The following RNF4 variants were observed in gnomAD, a reference collection of about 807,000 sequenced individuals.
RNF4 encodes the protein E3 ubiquitin-protein ligase RNF4.
A neutral mutation model predicts 24.3 loss-of-function variants in RNF4; 7 were observed. The observed-to-expected ratio is 0.29, with a 90% CI of 0.16 to 0.54. The LOEUF (loss-of-function observed/expected upper bound fraction) is 0.54, where lower values mean the gene tolerates loss of function less well. Ranked by LOEUF, RNF4 falls within the 20% of genes least tolerant of loss-of-function variation. The probability of loss-of-function intolerance (pLI) is 0.95; values close to 1 mark genes in which losing one functional copy is unlikely to be tolerated. For synonymous variants in RNF4, 83 were observed against 84.3 expected (o/e 0.98, Z 0.09); for missense variants, 209 against 248.5 (o/e 0.84, Z 1.07).
chr4:2,505,723 C>CTTTTTTT (rs67508332), intron 4 of RNF4: 9 of 50,676 alleles, frequency 1.8e-4, no homozygotes, highest in African/African-American at 1.7e-4. Flanking sequence ...CATGGTCTGC[C>CTTTTTTT]TTTTTTTTTT....
Position 2,512,308 on chromosome 4 carries a change from C to A in RNF4, c.215-130C>A, listed in dbSNP as rs1346361343. On this transcript the variant is annotated intron_variant, in intron 5 of 7. Coordinates refer to ENST00000314289, the MANE Select transcript of RNF4 (RefSeq NM_002938.5). The surrounding 1 kb of genome is among the most constrained non-coding windows in gnomAD (Gnocchi z 4.1). Reference sequence around the variant, plus strand: ...CAGAACCTTCTGGGTTATAGCTGAGCATGGCAGCAGTTTGTCTCTGGGGGT... The same window carrying A: ...CAGAACCTTCTGGGTTATAGCTGAGAATGGCAGCAGTTTGTCTCTGGGGGT... 1.8e-5 allele frequency: 20 copies of A among 1,094,798 alleles called. No individual in the cohort carries two copies. The Admixed American group carries it at 3.0e-4, about 16-fold the overall frequency. The allele number at this position is 1,094,798 out of a possible 1,614,324, so 67.8% of individuals were successfully genotyped here. A position where few individuals can be genotyped will look rare whatever the true frequency, so the allele number is the denominator to read the frequency against.
At chr4:2,496,757 C>T (rs1194657955) in intron 2 of RNF4, among the ~76,000 whole-genome samples, 1 of 152,106 alleles carries the variant, frequency 6.6e-6, no homozygotes, top group East Asian at 1.9e-4. Flanking sequence ...CCATGCCCAG[C>T]CGACCTGCTG....
At chr4:2,490,741 G>T in intron 2 of RNF4, 1 of 450,472 alleles carries the variant, frequency 2.2e-6, no homozygotes, top group Non-Finnish European at 4.0e-6. Flanking sequence ...ATAGCTTAGG[G>T]TTTGGTAATC....
At chr4:2,492,407 G>C (rs577780382) in intron 2 of RNF4, among the ~76,000 whole-genome samples, 2 of 152,080 alleles carry the variant, frequency 1.3e-5, no homozygotes, top group African/African-American at 4.8e-5. Context: ...TTGAGCTCTC[G>C]AGGAGATTAC....
chr4:2,494,839 T>G (rs1030370049), intron 2 of RNF4: 23 of 152,258 alleles, frequency 1.5e-4, no homozygotes, highest in African/African-American at 5.3e-4. Flanking sequence ...GGTAAATATT[T>G]AGGCTAAATT....
chr4:2,477,257 A>G (rs866401909), intron 1 of RNF4, among the ~76,000 whole-genome samples: 2 of 152,002 alleles, frequency 1.3e-5, no homozygotes, highest in Non-Finnish European at 2.9e-5. Context: ...GGTCTTTCCC[A>G]TGCTGTTCTC....
At chr4:2,494,949 G>C (rs905925044) in intron 2 of RNF4, among the ~76,000 whole-genome samples, 2 of 152,218 alleles carry the variant, frequency 1.3e-5, no homozygotes, top group African/African-American at 4.8e-5. Context: ...GCTTTTAAGA[G>C]AAGTTACTAT....
At chr4:2,494,282 G>A (rs1265970754) in intron 2 of RNF4, among the ~76,000 whole-genome samples, 2 of 151,774 alleles carry the variant, frequency 1.3e-5, no homozygotes, top group East Asian at 3.9e-4. Context: ...TTTATAACTT[G>A]ATGTGTTTAC....
chr4:2,492,096 G>C (rs1735599043), intron 2 of RNF4, among the ~76,000 whole-genome samples: 1 of 151,998 alleles, frequency 6.6e-6, no homozygotes, highest in Non-Finnish European at 1.5e-5. Flanking sequence ...CTACTCAGGA[G>C]GCTGAGGCAG....
chr4:2,494,469 C>T (rs1325853152), intron 2 of RNF4: 2 of 151,508 alleles, frequency 1.3e-5, no homozygotes, highest in Non-Finnish European at 2.9e-5. Context: ...GCTCCACCTC[C>T]CGGGTTCACA....
chr4:2,498,749 C>G (rs968097101), intron 3 of RNF4, among the ~76,000 whole-genome samples: 1 of 152,090 alleles, frequency 6.6e-6, no homozygotes, highest in African/African-American at 2.4e-5. Flanking sequence ...CATAGTGAGA[C>G]CCTGTCTCTA....
intron 1 of RNF4, among the ~76,000 whole-genome samples, chr4:2,481,395 A>C (rs1735239082): frequency 6.6e-6 from 1 of 152,138 alleles, no homozygotes; most frequent in South Asian, 2.1e-4. Context: ...ATTTTTTTTA[A>C]GGAACACATA....
chr4:2,490,444 G>T lies in RNF4; in HGVS notation c.-50G>T, dbSNP rs1735545848. On this transcript the variant is annotated 5_prime_UTR_variant, in exon 2 of 8. Transcript: ENST00000314289. ...ACATTTGACTTCCCTGCAAACCTTG[G>T]TATAGATCACTTCCTTTTCTGTAGG... The T allele has an allele frequency of 6.2e-7, 1 of 1,604,820 alleles. No homozygotes were observed. The highest frequency in any genetic ancestry group is 8.5e-7 in the Non-Finnish European group (1 of 1,174,204).
Position 2,512,539 on chromosome 4 carries a change from G to A in RNF4, c.316G>A (p.Val106Ile), listed in dbSNP as rs760543519. 20 of 1,613,900 alleles carry A rather than the reference G, an allele frequency of 1.2e-5. No homozygotes were observed. The highest frequency in any genetic ancestry group is 2.2e-5 in the East Asian group (1 of 44,882). ...TGAGGAGTTGTCCAGGGACAGAGAC[G>A]TATATGTGACTACCCATACTCCCAG... ...DDEELSRDRD[V>I]YVTTHTPRNA... Residue 106 changes from valine (V) to isoleucine (I), a missense_variant, in exon 6 of 8, where the codon GTA (valine) becomes ATA (isoleucine). Coordinates refer to ENST00000314289, the MANE Select transcript of RNF4 (RefSeq NM_002938.5). The surrounding 1 kb of genome is among the most constrained non-coding windows in gnomAD (Gnocchi z 4.1).
chr4:2,483,341 G>T (rs1386321335), intron 1 of RNF4, among the ~76,000 whole-genome samples: 1 of 152,202 alleles, frequency 6.6e-6, no homozygotes, highest in Non-Finnish European at 1.5e-5. Context: ...GGACACTGAG[G>T]CACAGAAGGC....
chr4:2,505,614 C>T (rs1203852), intron 4 of RNF4: 101,058 of 149,524 alleles, frequency 0.68, 34,505 homozygotes, highest in Admixed American at 0.76. Flanking sequence ...TGTGAGCCAC[C>T]GCGCCCGGCC....
intron 1 of RNF4, among the ~76,000 whole-genome samples, chr4:2,486,981 C>T (rs1033551985): frequency 1.3e-5 from 2 of 152,166 alleles, no homozygotes; most frequent in African/African-American, 4.8e-5. Context: ...CTGGGACTGT[C>T]GTGTGGTCTG....
In RNF4 at chr4:2,497,020, G is replaced by A; in HGVS notation, c.23G>A (p.Gly8Asp). 6.2e-7 allele frequency: 1 copy of A among 1,602,568 alleles called. No individual in the cohort carries two copies. Among genetic ancestry groups the A allele is most frequent in the Non-Finnish European group, 8.5e-7 (1 of 1,174,814 alleles). Residue 8 changes from glycine to aspartate, a missense_variant, in exon 3 of 8, where the codon GGT becomes GAT. Transcript: ENST00000314289. Reference sequence around the variant, plus strand: ...CTTGCTACTCAGAGAAAGCGTCGTGGTGGAGCAATAAATTCTAGACAAGCT... The same window carrying A: ...CTTGCTACTCAGAGAAAGCGTCGTGATGGAGCAATAAATTCTAGACAAGCT... MSTRKRR[G>D]GAINSRQAQK...
chr4:2,502,316 A>G (rs1395405946), intron 4 of RNF4, among the ~76,000 whole-genome samples: 1 of 152,194 alleles, frequency 6.6e-6, no homozygotes, highest in African/African-American at 2.4e-5. Flanking sequence ...CAGGAAGACA[A>G]TGATTGATTG....
Sources: allele counts gnomAD v4.1 joint callset (sites outside exome capture counted in the v4.1 genomes callset), GRCh38; gene constraint gnomAD v4.1.1; non-coding constraint Gnocchi (gnomAD v3.1); transcripts MANE v1.5; gene names NCBI Gene and HGNC (gene_info 2026-07-23, HGNC 2026-07-21).